Variants in FBXL2 observed in about 807,000 individuals in gnomAD.
FBXL2 encodes the protein F-box and leucine rich repeat protein 2.
Under a neutral mutation model 69.2 loss-of-function variants are expected in FBXL2, and 38 were observed. That is an observed-to-expected ratio of 0.55 (90% CI 0.42 to 0.72). The LOEUF (loss-of-function observed/expected upper bound fraction) is 0.72, where lower values mean the gene tolerates loss of function less well. FBXL2 is among the 30% of genes least tolerant of loss of function. The pLI, the probability that FBXL2 is intolerant of heterozygous loss-of-function variation, is 0.00. For synonymous variants in FBXL2, 192 were observed against 201.3 expected, an observed-to-expected ratio of 0.95 and a Z score of 0.39; for missense variants, 354 against 520.3, an observed-to-expected ratio of 0.68 and a Z score of 3.11.
chr3:33,381,251 A>G (rs988345905), intron 13 of FBXL2, among the ~76,000 whole-genome samples: 1 of 152,246 alleles, frequency 6.6e-6, no homozygotes, highest in African/African-American at 2.4e-5. Context: ...TCCCTATATT[A>G]AAACAATGGA....
At chr3:33,396,619 T>C (rs1384730033) in intron 12 of FBXL2, 9 of 404,456 alleles carry the variant, frequency 2.2e-5, no homozygotes, top group Non-Finnish European at 4.2e-5. Flanking sequence ...GCAATGATAG[T>C]AAATGGTTCT....
chr3:33,305,538 AT>A (rs1411819160), intron 2 of FBXL2, among the ~76,000 whole-genome samples: 3 of 150,632 alleles, frequency 2.0e-5, no homozygotes, highest in Non-Finnish European at 1.5e-5. Flanking sequence ...TCTTTATCTG[AT>A]TTTTTTTTGA....
chr3:33,279,532 C>G (rs1216357371), intron 1 of FBXL2, among the ~76,000 whole-genome samples: 1 of 152,188 alleles, frequency 6.6e-6, no homozygotes, highest in African/African-American at 2.4e-5. Context: ...GCCTCCCAAG[C>G]TGGGATTGCA....
Position 33,329,534 on chromosome 3 carries a change from G to A in FBXL2, c.66-29433G>A, listed in dbSNP as rs184939251. The stretch of plus-strand genomic sequence containing the variant: ...ATTAACTAAGTGTCCATCAGTGGAT[G>A]AATGGATAAAGAAAATACGTTATAT... On this transcript the variant is annotated intron_variant, in intron 2 of 14. Transcript: ENST00000484457. Among the ~76,000 whole-genome samples the A allele has an allele frequency of 4.6e-5, 7 of 151,422 alleles. No individual in the cohort carries two copies. The Admixed American group carries it at 4.6e-4, about 10-fold the overall frequency.
In FBXL2 at chr3:33,286,937, A is replaced by C. The variant is rs563947435; in HGVS notation, c.3+9422A>C. ...CCCGATTTTCCAGGTACCATTTGTC[A>C]CGGCTTCCCTTGGCTAGGAGAGGGA... On this transcript the variant is annotated intron_variant, in intron 1 of 14. Coordinates refer to ENST00000484457, the MANE Select transcript of FBXL2 (RefSeq NM_012157.5). Among the ~76,000 whole-genome samples, 4 of 152,304 alleles carry C rather than the reference A, an allele frequency of 2.6e-5. No individual in the cohort carries two copies. In the South Asian group the frequency reaches 8.3e-4, roughly 32 times the overall value.
downstream of FBXL2, chr3:33,390,149 G>T: frequency 1.6e-6 from 1 of 625,762 alleles, no homozygotes. Flanking sequence ...AGGATGCTTG[G>T]CTATGGCAGT....
At chr3:33,344,872 T>G (rs976339826) in intron 2 of FBXL2, among the ~76,000 whole-genome samples, 2 of 152,122 alleles carry the variant, frequency 1.3e-5, no homozygotes, top group African/African-American at 2.4e-5. Flanking sequence ...AAGGGGGACA[T>G]CACTATAACA....
At chr3:33,389,560 C>A (rs1216994341), downstream of FBXL2, 1 of 152,018 alleles carries the variant, frequency 6.6e-6, no homozygotes, top group East Asian at 1.9e-4. Flanking sequence ...GGCAAGGAAT[C>A]TCCAAAAATG....
At chr3:33,362,132 A>T (rs1265859093) in intron 4 of FBXL2, among the ~76,000 whole-genome samples, 2 of 152,170 alleles carry the variant, frequency 1.3e-5, no homozygotes, top group Non-Finnish European at 2.9e-5. Flanking sequence ...ACATGAAGAA[A>T]AGGCAGAGTA....
At chr3:33,281,618 G>A (rs547323421) in intron 1 of FBXL2, among the ~76,000 whole-genome samples, 53 of 152,180 alleles carry the variant, frequency 3.5e-4, no homozygotes, top group African/African-American at 1.1e-3. Context: ...AGGAATCGCC[G>A]CACTGTCTTC....
chr3:33,360,303 G>T (rs941718979), intron 4 of FBXL2, among the ~76,000 whole-genome samples: 13 of 152,112 alleles, frequency 8.5e-5, no homozygotes, highest in African/African-American at 3.1e-4. Flanking sequence ...ACTTAACCTG[G>T]CTTGACCTAG....
At chr3:33,378,835 G>A (rs760393425) in intron 13 of FBXL2, 94 bp downstream of exon 13, 22 of 1,604,986 alleles carry the variant, frequency 1.4e-5, no homozygotes, top group East Asian at 2.2e-5. Flanking sequence ...TTTCTGTAAG[G>A]TATCATCTCT....
downstream of FBXL2, chr3:33,390,247 A>G: frequency 1.4e-6 from 2 of 1,389,448 alleles, no homozygotes. Context: ...GTAAAATCCA[A>G]TCCCAAGACT....
At chr3:33,340,610 G>T (rs1052512185) in intron 2 of FBXL2, among the ~76,000 whole-genome samples, 71 of 149,682 alleles carry the variant, frequency 4.7e-4, no homozygotes, top group Non-Finnish European at 1.0e-4. Context: ...GAAGGAAGTA[G>T]GCTGGGCGCT....
Position 33,359,285 on chromosome 3 carries a change from T to A in FBXL2, c.123T>A (p.Ala41=). Residue 41 remains alanine, a splice_region_variant and synonymous_variant, in exon 4 of 15, where the codon GCT becomes GCA. Transcript: ENST00000484457. ...TTCCTTTACCTCCCACCTTCCAGGCTTGGAACATCTTAGCCCTGGATGGAA... is the reference window on the plus strand; with the variant it reads ...TTCCTTTACCTCCCACCTTCCAGGCATGGAACATCTTAGCCCTGGATGGAA... ...TLCRCAQISK[A]WNILALDGSN... 1 of 1,610,656 alleles carries A rather than the reference T, an allele frequency of 6.2e-7. No individual in the cohort carries two copies. The highest frequency in any genetic ancestry group is 1.1e-5 in the South Asian group (1 of 90,594).
At chr3:33,354,930 A>G (rs1371960386) in intron 2 of FBXL2, among the ~76,000 whole-genome samples, 2 of 152,192 alleles carry the variant, frequency 1.3e-5, no homozygotes, top group Non-Finnish European at 2.9e-5. Context: ...ACTGGCAGCA[A>G]TTAAAGAATG....
At chr3:33,350,838 C>T (rs1211953969) in intron 2 of FBXL2, among the ~76,000 whole-genome samples, 1 of 152,018 alleles carries the variant, frequency 6.6e-6, no homozygotes, top group Non-Finnish European at 1.5e-5. Flanking sequence ...TATTGGAAGT[C>T]CTATCTAATG....
intron 12 of FBXL2, 137 bp from the exon 13 acceptor site, chr3:33,378,548 G>A (rs1294168637): frequency 1.0e-5 from 8 of 788,572 alleles, no homozygotes; most frequent in Non-Finnish European, 1.4e-5. Flanking sequence ...GGTGAAGAGA[G>A]GAGCTCCCAG....
intron 2 of FBXL2, among the ~76,000 whole-genome samples, chr3:33,328,801 ATGTGTGTGTGTGTG>A (rs60685309): frequency 3.4e-5 from 5 of 146,782 alleles, no homozygotes; most frequent in Non-Finnish European, 4.5e-5. Context: ...GTGTGTGTGC[ATGTGTGTGTGTGTG>A]TGTGTGTGTG....
Sources: gnomAD v4.1 joint callset for allele counts (sites outside exome capture counted in the v4.1 genomes callset) on GRCh38, gnomAD v4.1.1 for gene constraint, MANE v1.5 for transcripts, NCBI Gene and HGNC (gene_info 2026-07-23, HGNC 2026-07-21) for gene names.